Variants in TNPO3 observed in about 807,000 individuals in gnomAD.
TNPO3 encodes transportin 3.
Under a neutral mutation model 122.8 loss-of-function variants are expected in TNPO3, and 65 were observed. That is an observed-to-expected ratio of 0.53 (90% CI 0.43 to 0.65). The LOEUF (loss-of-function observed/expected upper bound fraction) is 0.65, where lower values mean the gene tolerates loss of function less well. TNPO3 is among the 30% of genes least tolerant of loss of function. TNPO3 has a pLI of 0.00. For synonymous variants in TNPO3, 372 were observed against 411.2 expected, an observed-to-expected ratio of 0.90 and a Z score of 1.15; for missense variants, 850 against 1,136.7, an observed-to-expected ratio of 0.75 and a Z score of 3.63.
At chr7:128,974,438 T>A (rs1488638543) in intron 18 of TNPO3, among the ~76,000 whole-genome samples, 1 of 151,828 alleles carries the variant, frequency 6.6e-6, no homozygotes, top group East Asian at 2.0e-4. Context: ...AAATACAGTA[T>A]GAGATAACTG....
In TNPO3 at chr7:129,054,816, G is replaced by A. The variant is rs769786328; in HGVS notation, c.-46C>T. On this transcript the variant is annotated 5_prime_UTR_variant, in exon 1 of 23. Transcript: ENST00000265388. ...TAGCGACGGCTCTGATTCTTCTCCG[G>A]AGGATTCCTCGGTTGCTCCGCCTTC... 3.7e-6 allele frequency: 6 copies of A among 1,612,432 alleles called. No individual in the cohort carries two copies. The highest frequency in any genetic ancestry group is 2.7e-5 in the African/African-American group (2 of 74,898).
intron 1 of TNPO3, among the ~76,000 whole-genome samples, chr7:129,032,692 A>G (rs1365291604): frequency 6.6e-6 from 1 of 152,246 alleles, no homozygotes; most frequent in Non-Finnish European, 1.5e-5. Context: ...AACATTGCTG[A>G]AAGAAATTAA....
At chr7:129,015,160 T>A in intron 3 of TNPO3, 25 bp from the exon 4 acceptor site, 2 of 1,598,530 alleles carry the variant, frequency 1.3e-6, no homozygotes, top group Non-Finnish European at 1.7e-6. Flanking sequence ...AGTGGAGATA[T>A]GTTATTTATA....
chr7:129,053,544 T>G (rs1809071176), intron 1 of TNPO3, among the ~76,000 whole-genome samples: 1 of 151,436 alleles, frequency 6.6e-6, no homozygotes, highest in South Asian at 2.1e-4. Flanking sequence ...AAGACCAGAT[T>G]TTTAAAAAGT....
At chr7:128,984,857 C>T (rs1263661803) in intron 12 of TNPO3, among the ~76,000 whole-genome samples, 1 of 152,208 alleles carries the variant, frequency 6.6e-6, no homozygotes, top group Non-Finnish European at 1.5e-5. Context: ...CTCCTACCCC[C>T]TTTCTTTTTC....
chr7:129,016,140 C>T (rs1217801372), intron 3 of TNPO3, among the ~76,000 whole-genome samples: 4 of 151,948 alleles, frequency 2.6e-5, no homozygotes, highest in Non-Finnish European at 4.4e-5. Context: ...AGGTGGCTCA[C>T]GCCTGTAATC....
chr7:129,014,928 G>A (rs370379596), intron 4 of TNPO3, 51 bp downstream of exon 4: 74 of 1,509,488 alleles, frequency 4.9e-5, no homozygotes, highest in Middle Eastern at 1.8e-4. Context: ...CAAAATAACC[G>A]CCATGGCTTT....
In TNPO3 at chr7:129,000,435, T is replaced by C. The variant is rs765101279; in HGVS notation, c.1005A>G (p.Gln335=). The C allele has an allele frequency of 6.2e-7, 1 of 1,613,338 alleles. No individual in the cohort carries two copies. Among genetic ancestry groups the C allele is most frequent in the African/African-American group, 1.3e-5 (1 of 75,006 alleles). The change falls in exon 7 of 23, where the codon CAA becomes CAG. Residue 335 remains glutamine (Q), a synonymous_variant. Coordinates refer to ENST00000265388, the MANE Select transcript of TNPO3 (RefSeq NM_012470.4). ...ELLLICAGHP[Q]YEVVEISFNF... ...TGAATAGCATAAACACTACCTCATA[T>C]TGAGGATGGCCTGCACAGATAAGCA... is the stretch of plus-strand genomic sequence containing the variant.
intron 13 of TNPO3, among the ~76,000 whole-genome samples, chr7:128,983,099 T>C (rs1421250290): frequency 1.3e-5 from 2 of 152,176 alleles, no homozygotes; most frequent in Non-Finnish European, 2.9e-5. Flanking sequence ...CTCTCAGCCA[T>C]GATGGGAAGG....
chr7:129,026,471 C>T (rs1229274217), intron 1 of TNPO3, among the ~76,000 whole-genome samples: 3 of 142,438 alleles, frequency 2.1e-5, no homozygotes, highest in South Asian at 2.2e-4. Context: ...GGCACAATCT[C>T]GGCTCACTGC....
chr7:129,051,537 A>T (rs1207153081), intron 1 of TNPO3, among the ~76,000 whole-genome samples: 1 of 152,056 alleles, frequency 6.6e-6, no homozygotes, highest in African/African-American at 2.4e-5. Context: ...AGGTCTCGCT[A>T]TGTTGCCCAG....
At chr7:129,015,333 T>C (rs565573739) in intron 3 of TNPO3, among the ~76,000 whole-genome samples, 198 bp from the exon 4 acceptor site, 1 of 151,858 alleles carries the variant, frequency 6.6e-6, no homozygotes, top group African/African-American at 2.4e-5. Flanking sequence ...CAATGAAACA[T>C]AGCCATTATA....
chr7:129,044,791 T>C (rs1323991961), intron 1 of TNPO3, among the ~76,000 whole-genome samples: 1 of 152,194 alleles, frequency 6.6e-6, no homozygotes, highest in Non-Finnish European at 1.5e-5. Context: ...AGTATGGCAG[T>C]TCCCCCAAAT....
chr7:129,046,121 G>C (rs1212751651), intron 1 of TNPO3, among the ~76,000 whole-genome samples: 4 of 150,682 alleles, frequency 2.7e-5, no homozygotes, highest in African/African-American at 7.4e-5. Flanking sequence ...GCTTGAACCC[G>C]GGAGGTGGAG....
chr7:128,993,826 G>C lies in TNPO3; in HGVS notation c.1247C>G (p.Ser416Cys). 1 of 1,613,966 alleles carries C rather than the reference G, an allele frequency of 6.2e-7. No homozygotes were observed. Among genetic ancestry groups the C allele is most frequent in the Non-Finnish European group, 8.5e-7 (1 of 1,179,944 alleles). Residue 416 changes from serine (S) to cysteine (C), a missense_variant, in exon 9 of 23, where the codon TCT becomes TGT. Coordinates refer to ENST00000265388, the MANE Select transcript of TNPO3 (RefSeq NM_012470.4). ...GCTTACCTGAGCAAAACACTCCATA[G>C]ACCCTATCAAGAAAATCAAGTCCTT... ...LVKDLIFLIG[S>C]MECFAQLYST...
chr7:129,031,734 A>T (rs1805971188), intron 1 of TNPO3, among the ~76,000 whole-genome samples: 1 of 152,250 alleles, frequency 6.6e-6, no homozygotes, highest in Non-Finnish European at 1.5e-5. Context: ...ATGAAGAAAC[A>T]AGAAAAGAAA....
intron 19 of TNPO3, among the ~76,000 whole-genome samples, chr7:128,971,216 G>A (rs1472704715): frequency 6.6e-6 from 1 of 150,856 alleles, no homozygotes; most frequent in African/African-American, 2.4e-5. Flanking sequence ...CCTGATCTTA[G>A]CTAACTGAAA....
At chr7:129,041,308 G>A (rs1355862873) in intron 1 of TNPO3, among the ~76,000 whole-genome samples, 1 of 152,204 alleles carries the variant, frequency 6.6e-6, no homozygotes, top group Non-Finnish European at 1.5e-5. Flanking sequence ...GCAGCAGCGA[G>A]CTACGATCAC....
Position 128,972,530 on chromosome 7 carries a change from T to A in TNPO3, c.2326A>T (p.Ile776Phe), listed in dbSNP as rs368873021. The A allele has an allele frequency of 1.2e-6, 2 of 1,614,126 alleles. No homozygotes were observed. Residue 776 changes from isoleucine (I) to phenylalanine (F), a missense_variant, in exon 19 of 23, where the codon ATC (isoleucine) becomes TTC (phenylalanine). Coordinates refer to ENST00000265388, the MANE Select transcript of TNPO3 (RefSeq NM_012470.4). ...TLLRSQVVIP[I>F]LQWAIASTTL... ...GTAGAGGCAATGGCCCACTGTAAGATAGGGATGACCACTTGGCTCCGCAGC... is the reference window on the plus strand; with the variant it reads ...GTAGAGGCAATGGCCCACTGTAAGAAAGGGATGACCACTTGGCTCCGCAGC...
Sources: gnomAD v4.1 joint callset for allele counts (sites outside exome capture counted in the v4.1 genomes callset) on GRCh38, gnomAD v4.1.1 for gene constraint, MANE v1.5 for transcripts, NCBI Gene and HGNC (gene_info 2026-07-23, HGNC 2026-07-21) for gene names.